The following COMMD6 variants were observed in gnomAD, a reference collection of about 807,000 sequenced individuals.
COMMD6 encodes the protein COMM domain containing 6.
COMMD6 carries 11 observed loss-of-function variants against 13.4 expected under a neutral mutation model. That is an observed-to-expected ratio of 0.82 (90% CI 0.52 to 1.36). The LOEUF is 1.36. Among genes scored for constraint, COMMD6 ranks in the 40% most tolerant of loss-of-function variants. COMMD6 has a pLI of 0.00. For synonymous variants in COMMD6, 43 were observed against 36.5 expected, an observed-to-expected ratio of 1.18 and a Z score of -0.64; for missense variants, 124 against 102.4, an observed-to-expected ratio of 1.21 and a Z score of -0.91.
intron 2 of COMMD6, among the ~76,000 whole-genome samples, chr13:75,536,165 TG>T (rs1485607243): frequency 6.6e-6 from 1 of 152,248 alleles, no homozygotes; most frequent in African/African-American, 2.4e-5. Context: ...TGAGCCACCA[TG>T]GCTGGCCTGT....
In COMMD6 at chr13:75,526,606, C is replaced by G; in HGVS notation, c.241G>C (p.Val81Leu). The change falls in exon 4 of 4, where the codon GTT (valine) becomes CTT (leucine). Residue 81 changes from valine to leucine, a missense_variant. Physicochemically the swap from Val to Leu is conservative, Grantham distance 32. Coordinates refer to ENST00000682242, the MANE Select transcript of COMMD6 (RefSeq NM_203495.4). ...ATCCGTCTTCACACCGTTTCAATAA[C>G]TGCAGCAATTTCCTTGAACTGTCTG... ...FYRQFKEIAAVIETV is the reference protein window; with the variant it reads ...FYRQFKEIAALIETV The G allele has an allele frequency of 6.2e-7, 1 of 1,606,946 alleles. No homozygotes were observed. The highest frequency in any genetic ancestry group is 1.1e-5 in the South Asian group (1 of 90,042).
rs1303732929 is a variant in COMMD6 at position 75,530,095 on chromosome 13, G to C, written c.207+19C>G. 1.3e-6 allele frequency: 2 copies of C among 1,594,488 alleles called. No individual in the cohort carries two copies. The highest frequency in any genetic ancestry group is 2.2e-5 in the East Asian group (1 of 44,646). ...TTACAGAAAAGCTGAGCTAAAACTG[G>C]ATGAGTTAAATCACAAACCTGAAAC... On this transcript the variant is annotated intron_variant, in intron 3 of 3. Coordinates refer to ENST00000682242, the MANE Select transcript of COMMD6 (RefSeq NM_203495.4).
At chr13:75,540,483 T>G, upstream of COMMD6, among the ~76,000 whole-genome samples, 1 of 152,222 alleles carries the variant, frequency 6.6e-6, no homozygotes, top group Non-Finnish European at 1.5e-5. Context: ...CTTTAAAAAC[T>G]GTTTATTATT....
intron 3 of COMMD6, among the ~76,000 whole-genome samples, chr13:75,527,098 T>C (rs2030290578): frequency 6.6e-6 from 1 of 152,228 alleles, no homozygotes; most frequent in Non-Finnish European, 1.5e-5. Flanking sequence ...TAGAAGTTTA[T>C]TTCTCTGTCA....
chr13:75,539,795 A>C (rs1021001693), upstream of COMMD6, among the ~76,000 whole-genome samples: 95 of 151,914 alleles, frequency 6.3e-4, no homozygotes, highest in African/African-American at 2.1e-3. Flanking sequence ...AAAAACAAAC[A>C]AAAAAACCCC....
chr13:75,537,348 T>C, intron 2 of COMMD6: 6 of 1,550,678 alleles, frequency 3.9e-6, no homozygotes, highest in Non-Finnish European at 5.2e-6. Context: ...CTCTGCAAAT[T>C]TTCCTAACTT....
At position 75,525,499 on chromosome 13, in the gene COMMD6, T is replaced by A. The variant is rs1260695729; in HGVS notation, c.*1090A>T. ...GAGGGAGAGAGAAGGGATCTTTGGT[T>A]TCTCCTAATTCTAGAATCATTAATG... On this transcript the variant is annotated 3_prime_UTR_variant, in exon 4 of 4. Transcript: ENST00000682242. 6.6e-6 allele frequency: 1 copy of A among 152,208 alleles called. No individual in the cohort carries two copies. Among genetic ancestry groups the A allele is most frequent in the Non-Finnish European group, 1.5e-5 (1 of 68,054 alleles). 9.4% of individuals were successfully genotyped at this position (152,208 alleles called of 1,614,324 possible). A position where few individuals can be genotyped will look rare whatever the true frequency, so the allele number is the denominator to read the frequency against.
upstream of COMMD6, among the ~76,000 whole-genome samples, chr13:75,541,378 G>A (rs1359287554): frequency 6.6e-6 from 1 of 151,926 alleles, no homozygotes; most frequent in Non-Finnish European, 1.5e-5. Flanking sequence ...CCTTCTGCTT[G>A]ACTGCTGGCT....
chr13:75,540,293 T>A (rs1159101882), upstream of COMMD6, among the ~76,000 whole-genome samples: 2 of 151,290 alleles, frequency 1.3e-5, no homozygotes, highest in Non-Finnish European at 2.9e-5. Flanking sequence ...TTTCTTCAGT[T>A]CTTGTTGTCA....
intron 1 of COMMD6, among the ~76,000 whole-genome samples, chr13:75,545,674 T>C (rs1385268373): frequency 6.6e-6 from 1 of 152,130 alleles, no homozygotes; most frequent in East Asian, 1.9e-4. Flanking sequence ...GGTTTCACCA[T>C]GTTAGCCAGG....
At chr13:75,542,032 A>T (rs774914825), upstream of COMMD6, among the ~76,000 whole-genome samples, 7 of 152,226 alleles carry the variant, frequency 4.6e-5, no homozygotes, top group Non-Finnish European at 5.9e-5. Context: ...GAGGATGATT[A>T]CATAATTGTT....
chr13:75,542,688 A>C (rs534031424), upstream of COMMD6, among the ~76,000 whole-genome samples: 11 of 152,340 alleles, frequency 7.2e-5, no homozygotes, highest in South Asian at 1.9e-3. Context: ...GCTGACTTTA[A>C]AAGGAGGACA....
intron 2 of COMMD6, among the ~76,000 whole-genome samples, chr13:75,535,609 G>C (rs2030638092): frequency 6.6e-6 from 1 of 152,182 alleles, no homozygotes. Flanking sequence ...TTTAGGCACT[G>C]GTTTCTGTGG....
upstream of COMMD6, chr13:75,537,975 T>G: frequency 3.7e-6 from 2 of 539,308 alleles, no homozygotes; most frequent in Non-Finnish European, 6.3e-6. Flanking sequence ...ACATATATCT[T>G]AGGAGACATT....
At position 75,527,853 on chromosome 13, in the gene COMMD6, T is replaced by TG. The variant is rs767208614; in HGVS notation, c.208-1215dup. ...ACTGGAGGTTGCCAGGAGCTGAGGCTGGGGGTCAATGGGGAAATGTTAGTA... is the reference window on the plus strand; with the variant it reads ...ACTGGAGGTTGCCAGGAGCTGAGGCTGGGGGGTCAATGGGGAAATGTTAGTA... On this transcript the variant is annotated intron_variant, in intron 3 of 3. Transcript: ENST00000682242. The TG allele has an allele frequency of 8.0e-6, 12 of 1,499,924 alleles. 1 individual carries two copies. In the South Asian group the frequency reaches 1.6e-4, roughly 21 times the overall value. 92.9% of individuals were successfully genotyped at this position (1,499,924 alleles called of 1,614,324 possible).
At chr13:75,535,375 A>G (rs1271996516) in intron 2 of COMMD6, among the ~76,000 whole-genome samples, 1 of 152,220 alleles carries the variant, frequency 6.6e-6, no homozygotes, top group Non-Finnish European at 1.5e-5. Flanking sequence ...TCTAACTTAC[A>G]TTGCAAAAGG....
intron 1 of COMMD6, among the ~76,000 whole-genome samples, chr13:75,544,942 A>AAAAAAAC (rs71127553): frequency 8.1e-6 from 1 of 123,862 alleles, no homozygotes; most frequent in Non-Finnish European, 1.8e-5. Context: ...AAAAAAAAAA[A>AAAAAAAC]CAAAAAACAA....
At chr13:75,548,876 T>A (rs2030966208) in intron 1 of COMMD6, among the ~76,000 whole-genome samples, 1 of 152,186 alleles carries the variant, frequency 6.6e-6, no homozygotes, top group Admixed American at 6.5e-5. Context: ...AGCCCAGATG[T>A]CTTGACCGGG....
upstream of COMMD6, among the ~76,000 whole-genome samples, chr13:75,541,759 A>G (rs1041796042): frequency 1.3e-5 from 2 of 152,198 alleles, no homozygotes; most frequent in African/African-American, 4.8e-5. Flanking sequence ...TGCACTCAAC[A>G]TATTTACTAT....
Sources: allele counts gnomAD v4.1 joint callset (sites outside exome capture counted in the v4.1 genomes callset), GRCh38; gene constraint gnomAD v4.1.1; transcripts MANE v1.5; gene names NCBI Gene and HGNC (gene_info 2026-07-23, HGNC 2026-07-21).